Variants in DLC1 observed in about 807,000 individuals in gnomAD.
DLC1 encodes the protein rho GTPase-activating protein 7.
A neutral mutation model predicts 140.3 loss-of-function variants in DLC1; 54 were observed. The ratio of observed to expected loss-of-function variants is 0.38; its 90% CI spans 0.31 to 0.48. DLC1 has a LOEUF of 0.48. Among genes scored for constraint, DLC1 ranks in the 20% least tolerant of loss-of-function variants. DLC1 has a pLI of 0.96. For synonymous variants in DLC1, 986 were observed against 728.1 expected (o/e 1.35, Z -5.70); for missense variants, 2,536 against 1,907.0 (o/e 1.33, Z -6.14).
At chr8:13,210,232 T>C (rs1485617398) in intron 5 of DLC1, among the ~76,000 whole-genome samples, 3 of 152,200 alleles carry the variant, frequency 2.0e-5, no homozygotes, top group Non-Finnish European at 4.4e-5. Flanking sequence ...CCAAGAGTTC[T>C]ATCCTGTTCT....
intron 1 of DLC1, among the ~76,000 whole-genome samples, chr8:13,550,925 A>G (rs1417172753): frequency 6.6e-6 from 1 of 152,040 alleles, no homozygotes; most frequent in Non-Finnish European, 1.5e-5. Flanking sequence ...CCTAGAAATC[A>G]ATGGGTTAAA....
intron 1 of DLC1, among the ~76,000 whole-genome samples, chr8:13,599,827 G>A (rs1487237345): frequency 3.3e-5 from 5 of 151,726 alleles, no homozygotes; most frequent in African/African-American, 1.2e-4. Context: ...TCTTAAGAAA[G>A]AAAAAACATA....
At position 13,495,602 on chromosome 8, in the gene DLC1, C is replaced by T. The variant is rs148360460; in HGVS notation, c.1023+3447G>A. Among the ~76,000 whole-genome samples, 654 of 152,218 alleles carry T rather than the reference C, an allele frequency of 4.3e-3. 7 individuals carry two copies. The highest frequency in any genetic ancestry group is 0.015 in the African/African-American group (629 of 41,548). On this transcript the variant is annotated intron_variant, in intron 2 of 17. Transcript: ENST00000276297. ...AATATTTGTGATCCCCTATATACTA[C>T]ATATATACTAAAAATAAAGGTATAT...
intron 2 of DLC1, among the ~76,000 whole-genome samples, chr8:13,459,127 A>G (rs1436468435): frequency 2.6e-5 from 4 of 152,336 alleles, no homozygotes; most frequent in African/African-American, 9.6e-5. Flanking sequence ...CAGCACTTCT[A>G]AAAATTCTCT....
At chr8:13,189,188 A>G (rs781141532) in intron 5 of DLC1, among the ~76,000 whole-genome samples, 3 of 152,174 alleles carry the variant, frequency 2.0e-5, no homozygotes, top group Non-Finnish European at 4.4e-5. Context: ...TCATTCAACA[A>G]TAGAGGCTAA....
chr8:13,135,417 GT>G (rs1026674375), intron 5 of DLC1, among the ~76,000 whole-genome samples: 2 of 151,988 alleles, frequency 1.3e-5, no homozygotes, highest in African/African-American at 4.8e-5. Flanking sequence ...TCCTGACCTC[GT>G]GATCCGCCTA....
At chr8:13,581,100 T>C (rs1296077870) in intron 1 of DLC1, among the ~76,000 whole-genome samples, 3 of 152,234 alleles carry the variant, frequency 2.0e-5, no homozygotes, top group Admixed American at 2.0e-4. Flanking sequence ...AAGTATTTAC[T>C]AATCTCTCAA....
chr8:13,426,951 G>C (rs1227315374), intron 2 of DLC1, among the ~76,000 whole-genome samples: 1 of 152,070 alleles, frequency 6.6e-6, no homozygotes, highest in Non-Finnish European at 1.5e-5. Context: ...TCAAGTTTAA[G>C]CCTATAACTT....
At chr8:13,355,493 C>G (rs973655953) in intron 4 of DLC1, among the ~76,000 whole-genome samples, 2 of 152,192 alleles carry the variant, frequency 1.3e-5, no homozygotes, top group African/African-American at 4.8e-5. Context: ...GGTTCTGCTT[C>G]TCGTGAGGGT....
chr8:13,141,558 T>C (rs1288609685), intron 5 of DLC1, among the ~76,000 whole-genome samples: 1 of 152,186 alleles, frequency 6.6e-6, no homozygotes, highest in Non-Finnish European at 1.5e-5. Context: ...TTGAACTGTA[T>C]GTTGCTCTTT....
chr8:13,398,605 C>CAA (rs55898759), intron 3 of DLC1, among the ~76,000 whole-genome samples: 53,938 of 112,590 alleles, frequency 0.48, 13,028 homozygotes, highest in East Asian at 0.71. Context: ...CCATCTCTAC[C>CAA]AAAAAAAAAA....
chr8:13,545,049 T>C (rs1803608921), intron 1 of DLC1, among the ~76,000 whole-genome samples: 1 of 152,080 alleles, frequency 6.6e-6, no homozygotes, highest in African/African-American at 2.4e-5. Context: ...TTTCGTCGTA[T>C]CCTCAGTGCT....
chr8:13,301,641 T>A (rs17116022), intron 5 of DLC1, among the ~76,000 whole-genome samples: 10,115 of 152,240 alleles, frequency 0.066, 386 homozygotes, highest in South Asian at 0.12. Flanking sequence ...TGGGACGGGT[T>A]CACTCTTTAG....
At chr8:13,202,271 G>T (rs1182705181) in intron 5 of DLC1, among the ~76,000 whole-genome samples, 2 of 152,034 alleles carry the variant, frequency 1.3e-5, no homozygotes, top group Non-Finnish European at 2.9e-5. Flanking sequence ...AATTTAAAAC[G>T]TTTTAATAAG....
chr8:13,450,678 C>T (rs988585491), intron 2 of DLC1, among the ~76,000 whole-genome samples: 1 of 151,926 alleles, frequency 6.6e-6, no homozygotes, highest in Non-Finnish European at 1.5e-5. Context: ...GAAAAGTTTT[C>T]ATGAATAAGT....
chr8:13,451,286 T>TTGG (rs1563357772), intron 2 of DLC1, among the ~76,000 whole-genome samples: 1 of 152,080 alleles, frequency 6.6e-6, no homozygotes, highest in East Asian at 1.9e-4. Flanking sequence ...ATGAGATATT[T>TTGG]TGGTACAGGC....
At chr8:13,164,049 C>A (rs149660178) in intron 5 of DLC1, among the ~76,000 whole-genome samples, 16 of 152,170 alleles carry the variant, frequency 1.1e-4, no homozygotes, top group South Asian at 6.2e-4. Context: ...GCAATCCCAG[C>A]GCTTTGGGAG....
chr8:13,469,683 G>T (rs1800115770), intron 2 of DLC1, among the ~76,000 whole-genome samples: 1 of 152,166 alleles, frequency 6.6e-6, no homozygotes, highest in South Asian at 2.1e-4. Flanking sequence ...GCATAAAAAT[G>T]TGCAATAATA....
At chr8:13,396,058 C>CTTTTTTTTTTTTTTTT (rs1458503033) in intron 3 of DLC1, among the ~76,000 whole-genome samples, 1 of 133,364 alleles carries the variant, frequency 7.5e-6, no homozygotes, top group Non-Finnish European at 1.6e-5. Flanking sequence ...AATTTCTTTT[C>CTTTTTTTTTTTTTTTT]TTTCTTTTTT....
Sources: allele counts gnomAD v4.1 joint callset (sites outside exome capture counted in the v4.1 genomes callset), GRCh38; gene constraint gnomAD v4.1.1; transcripts MANE v1.5; gene names NCBI Gene and HGNC (gene_info 2026-07-23, HGNC 2026-07-21).